Variants in CMTM4 observed in about 807,000 individuals in gnomAD.
The protein encoded by CMTM4 is CKLF-like MARVEL transmembrane domain-containing protein 4.
A neutral mutation model predicts 19.0 loss-of-function variants in CMTM4; 8 were observed. That is an observed-to-expected ratio of 0.42 (90% CI 0.25 to 0.76). CMTM4 has a LOEUF of 0.76. Ranked by LOEUF, CMTM4 falls within the 30% of genes least tolerant of loss-of-function variation. CMTM4 has a pLI of 0.27. For synonymous variants in CMTM4, 106 were observed against 121.1 expected (o/e 0.88, Z 0.82); for missense variants, 228 against 290.2 (o/e 0.79, Z 1.56).
chr16:66,658,989 A>G (rs1473650147), intron 1 of CMTM4, among the ~76,000 whole-genome samples: 1 of 152,078 alleles, frequency 6.6e-6, no homozygotes, highest in Non-Finnish European at 1.5e-5. Flanking sequence ...CAGACCTGAG[A>G]CAGCTTCTTT....
Position 66,621,943 on chromosome 16 carries a change from TACCAAAGAGG to T in CMTM4, c.*105_*114del. 6.9e-7 allele frequency: 1 copy of T among 1,455,514 alleles called. No homozygotes were observed. Among genetic ancestry groups the T allele is most frequent in the Non-Finnish European group, 9.1e-7 (1 of 1,102,140 alleles). The allele number at this position is 1,455,514 out of a possible 1,614,324, so 90.2% of individuals were successfully genotyped here. ...GAAACCCTTTCCCAAAATGAACTTT[TACCAAAGAGG>T]ACAAAATTCAACTGAATCACATGGA... On this transcript the variant is annotated 3_prime_UTR_variant, in exon 4 of 4. Transcript: ENST00000394106.
intron 2 of CMTM4, among the ~76,000 whole-genome samples, chr16:66,631,483 T>C (rs1256271345): frequency 1.3e-5 from 2 of 152,158 alleles, no homozygotes; most frequent in East Asian, 3.9e-4. Flanking sequence ...TGTTGTGGAA[T>C]AGAAAAGGGG....
downstream of CMTM4, chr16:66,610,918 C>G (rs2015352461): frequency 2.5e-6 from 1 of 398,618 alleles, no homozygotes; most frequent in Non-Finnish European, 4.4e-6. The surrounding 1 kb of genome is among the most constrained non-coding windows in gnomAD (Gnocchi z 4.6). Flanking sequence ...GAATGCCACT[C>G]ATCCCATCCC....
chr16:66,633,796 C>A (rs180869561), intron 2 of CMTM4, among the ~76,000 whole-genome samples: 9 of 148,658 alleles, frequency 6.1e-5, no homozygotes, highest in Non-Finnish European at 1.2e-4. Context: ...CCAGCCTGGG[C>A]GACAGAGCAA....
the CMTM4 span, among the ~76,000 whole-genome samples, chr16:66,609,154 C>T: frequency 2.6e-5 from 4 of 151,742 alleles, no homozygotes; most frequent in African/African-American, 9.7e-5. This position sits in a 1 kb window ranked among gnomAD's most constrained non-coding sequence, Gnocchi z 4.4. Flanking sequence ...CTGCTTCCAC[C>T]GCATCGCAGG....
chr16:66,609,770 T>C (rs1354336855), downstream of CMTM4: 10 of 1,604,552 alleles, frequency 6.2e-6, no homozygotes, highest in Non-Finnish European at 8.5e-6. The surrounding 1 kb of genome is among the most constrained non-coding windows in gnomAD (Gnocchi z 4.4). Flanking sequence ...GGTCTGTGCC[T>C]GACACTCGGG....
chr16:66,646,552 T>C (rs2016204675), intron 1 of CMTM4, among the ~76,000 whole-genome samples: 1 of 152,154 alleles, frequency 6.6e-6, no homozygotes, highest in Non-Finnish European at 1.5e-5. Context: ...CCCGCTTTCA[T>C]GTTCCAAAAT....
chr16:66,641,096 G>T (rs1168969089), intron 1 of CMTM4, among the ~76,000 whole-genome samples: 1 of 152,200 alleles, frequency 6.6e-6, no homozygotes, highest in African/African-American at 2.4e-5. Context: ...CACCCAGGGG[G>T]TGCAGTGATG....
chr16:66,617,788 G>A lies in CMTM4; in HGVS notation c.*4270C>T, dbSNP rs1236540707. ...AGCCAAGCCAGCTTCAGAGTCACCT[G>A]CTGGACCCACATGTTCCTGAGCCAG... On this transcript the variant is annotated 3_prime_UTR_variant, in exon 4 of 4. Transcript: ENST00000394106. The A allele has an allele frequency of 2.0e-6, 2 of 1,000,968 alleles. No individual in the cohort carries two copies. Among genetic ancestry groups the A allele is most frequent in the Non-Finnish European group, 2.4e-6 (2 of 840,218 alleles). The allele number at this position is 1,000,968 out of a possible 1,614,324, so 62.0% of individuals were successfully genotyped here.
At position 66,621,258 on chromosome 16, in the gene CMTM4, T is replaced by G. The variant is rs1596900119; in HGVS notation, c.*800A>C. ...TGGGCAAGTGCTTTGGCTGGTGGAG[T>G]AGGCTTGTTTCTTTCATGGCTTTTA... On this transcript the variant is annotated 3_prime_UTR_variant, in exon 4 of 4. Coordinates refer to ENST00000394106, the MANE Select transcript of CMTM4 (RefSeq NM_181521.3). The G allele has an allele frequency of 1.0e-6, 1 of 985,408 alleles. No individual in the cohort carries two copies. The highest frequency in any genetic ancestry group is 1.2e-6 in the Non-Finnish European group (1 of 829,894). The allele number at this position is 985,408 out of a possible 1,614,324, so 61.0% of individuals were successfully genotyped here.
chr16:66,648,372 T>G (rs2016245536), intron 1 of CMTM4, among the ~76,000 whole-genome samples: 1 of 152,216 alleles, frequency 6.6e-6, no homozygotes, highest in Non-Finnish European at 1.5e-5. Flanking sequence ...TTCCTGGATC[T>G]GAGTTTTTCC....
the CMTM4 span, among the ~76,000 whole-genome samples, chr16:66,608,728 G>A: frequency 2.6e-5 from 4 of 152,120 alleles, no homozygotes; most frequent in South Asian, 2.1e-4. The surrounding 1 kb of genome is among the most constrained non-coding windows in gnomAD (Gnocchi z 5.1). Context: ...AGGTGGCGCC[G>A]GTGCTCCCCA....
At chr16:66,605,588 T>TTGGGGA in the CMTM4 span, 1 of 152,574 alleles carries the variant, frequency 6.6e-6, no homozygotes, top group Non-Finnish European at 1.5e-5. The surrounding 1 kb of genome is among the most constrained non-coding windows in gnomAD (Gnocchi z 4.6). Context: ...CGCTGGGCCG[T>TTGGGGA]TGGGGATGGG....
intron 1 of CMTM4, among the ~76,000 whole-genome samples, chr16:66,687,487 G>A (rs568338291): frequency 2.0e-5 from 3 of 151,958 alleles, no homozygotes; most frequent in Non-Finnish European, 2.9e-5. Flanking sequence ...GCAACATAGC[G>A]AGACCGTCTC....
chr16:66,624,684 T>C (rs539854201), intron 2 of CMTM4, among the ~76,000 whole-genome samples: 1 of 152,306 alleles, frequency 6.6e-6, no homozygotes, highest in Admixed American at 6.5e-5. Context: ...CGAGAATCAC[T>C]TGAACCCGGG....
chr16:66,661,066 C>G (rs904079981), intron 1 of CMTM4, among the ~76,000 whole-genome samples: 1 of 152,152 alleles, frequency 6.6e-6, no homozygotes, highest in African/African-American at 2.4e-5. Context: ...TGGACACTAT[C>G]CAAAGGTTGA....
intron 1 of CMTM4, among the ~76,000 whole-genome samples, chr16:66,666,817 A>G (rs1464752101): frequency 1.3e-5 from 2 of 152,226 alleles, no homozygotes; most frequent in African/African-American, 4.8e-5. Flanking sequence ...TTAACACAGA[A>G]ACAGAAAACC....
chr16:66,676,349 T>C (rs889144698), intron 1 of CMTM4, among the ~76,000 whole-genome samples: 1 of 152,158 alleles, frequency 6.6e-6, no homozygotes, highest in African/African-American at 2.4e-5. Context: ...CATAACCATA[T>C]AACGGACAAG....
In CMTM4 at chr16:66,621,221, G is replaced by A; in HGVS notation, c.*837C>T. ...CAAACACCTCCCACCTGCGGTTCAT[G>A]AAGCCAGCAAATGGGCAAGTGCTTT... is the stretch of plus-strand genomic sequence containing the variant. On this transcript the variant is annotated 3_prime_UTR_variant, in exon 4 of 4. Transcript: ENST00000394106. The A allele has an allele frequency of 1.0e-6, 1 of 985,626 alleles. No individual in the cohort carries two copies. The highest frequency in any genetic ancestry group is 1.2e-6 in the Non-Finnish European group (1 of 829,942). 61.1% of individuals were successfully genotyped at this position (985,626 alleles called of 1,614,324 possible).
Sources: gnomAD v4.1 joint callset for allele counts (sites outside exome capture counted in the v4.1 genomes callset) on GRCh38, gnomAD v4.1.1 for gene constraint, Gnocchi (gnomAD v3.1) non-coding constraint, MANE v1.5 for transcripts, NCBI Gene and HGNC (gene_info 2026-07-23, HGNC 2026-07-21) for gene names.